Variants in NRXN2 observed in about 807,000 individuals in gnomAD.
The protein encoded by NRXN2 is neurexin-2-beta.
In NRXN2, 29 loss-of-function variants were observed where a neutral mutation model predicts 128.8. The ratio of observed to expected loss-of-function variants is 0.23; its 90% confidence interval spans 0.17 to 0.31. The LOEUF is 0.31. Ranked by LOEUF, NRXN2 falls within the 10% of genes least tolerant of loss-of-function variation. NRXN2 has a pLI of 1.00. For missense variants in NRXN2, 1,881 were observed against 2,452.6 expected (o/e 0.77, Z 4.92); for synonymous variants, 1,098 against 1,075.2 (o/e 1.02, Z -0.41).
intron 9 of NRXN2, among the ~76,000 whole-genome samples, chr11:64,661,914 AAG>A (rs1246591549): frequency 6.6e-6 from 1 of 152,144 alleles, no homozygotes; most frequent in Non-Finnish European, 1.5e-5. Context: ...AGTGAGGAGA[AAG>A]GAGGTAGGCA....
intron 2 of NRXN2, 154 bp downstream of exon 2, chr11:64,712,816 G>C (rs2135673973): frequency 3.0e-6 from 2 of 672,978 alleles, no homozygotes; most frequent in Middle Eastern, 4.0e-4. Context: ...GCCCGGACAC[G>C]CGTCCCCGCA....
Position 64,648,300 on chromosome 11 carries a change from G to C in NRXN2, c.3322C>G (p.Gln1108Glu). The C allele has an allele frequency of 6.2e-7, 1 of 1,614,224 alleles. No individual in the cohort carries two copies. The highest frequency in any genetic ancestry group is 8.5e-7 in the Non-Finnish European group (1 of 1,180,042). Reference sequence around the variant, plus strand: ...TCCCACTGCTGCAAGCAGACGCCCTGGTTGGCACAGGACTCTTCAGTGCAG... The same window carrying C: ...TCCCACTGCTGCAAGCAGACGCCCTCGTTGGCACAGGACTCTTCAGTGCAG... ...TTCTEESCAN[Q>E]GVCLQQWDGF... The change falls in exon 17 of 23, where the codon CAG (glutamine) becomes GAG (glutamate). Residue 1108 changes from glutamine (Q) to glutamate (E), a missense_variant. Physicochemically the swap from Gln to Glu is conservative, Grantham distance 29 (BLOSUM62 2). Coordinates refer to ENST00000265459, the MANE Select transcript of NRXN2 (RefSeq NM_015080.4). This position sits in a 1 kb window ranked among gnomAD's most constrained non-coding sequence, Gnocchi z 4.1.
Position 64,648,423 on chromosome 11 carries a change from A to C in NRXN2, c.3284-85T>G, listed in dbSNP as rs2047015485. Reference sequence around the variant, plus strand: ...AGGTGTGGAAGCTTCAGAGCCAGGCAGAGAGGTCCTACTCTGAGCTCTGCC... The same window carrying C: ...AGGTGTGGAAGCTTCAGAGCCAGGCCGAGAGGTCCTACTCTGAGCTCTGCC... On this transcript the variant is annotated intron_variant, in intron 16 of 22. Transcript: ENST00000265459. The surrounding 1 kb of genome is among the most constrained non-coding windows in gnomAD (Gnocchi z 4.1). 3 of 1,601,848 alleles carry C rather than the reference A, an allele frequency of 1.9e-6. No individual in the cohort carries two copies. Among genetic ancestry groups the C allele is most frequent in the Admixed American group, 3.3e-5 (2 of 59,726 alleles).
intron 15 of NRXN2, among the ~76,000 whole-genome samples, chr11:64,649,240 G>A (rs182583524): frequency 3.3e-5 from 5 of 152,160 alleles, no homozygotes; most frequent in Admixed American, 6.5e-5. Flanking sequence ...TCATAGATGC[G>A]CAGCCCAATC....
chr11:64,710,598 C>T (rs1053274133), intron 2 of NRXN2, among the ~76,000 whole-genome samples: 4 of 152,174 alleles, frequency 2.6e-5, no homozygotes, highest in Admixed American at 2.0e-4. Flanking sequence ...CTCGAGCTTT[C>T]CCTCCATCAA....
chr11:64,662,378 T>C (rs530986612), intron 9 of NRXN2, among the ~76,000 whole-genome samples: 21 of 152,344 alleles, frequency 1.4e-4, no homozygotes, highest in African/African-American at 5.1e-4. Flanking sequence ...AGGAGTTCCA[T>C]AGCCTTTACT....
At chr11:64,681,816 A>ACGGG (rs2052331921) in intron 6 of NRXN2, among the ~76,000 whole-genome samples, 2 of 73,354 alleles carry the variant, frequency 2.7e-5, no homozygotes, top group Admixed American at 2.7e-4. Context: ...AGAAAATTGG[A>ACGGG]TGAGTATGGA....
intron 2 of NRXN2, among the ~76,000 whole-genome samples, chr11:64,704,623 C>CACACACACAGAGAGAG (rs1336665936): frequency 1.2e-5 from 1 of 81,178 alleles, no homozygotes; most frequent in South Asian, 5.7e-4. Flanking sequence ...CACACACACA[C>CACACACACAGAGAGAG]AGAGAGAGAG....
chr11:64,651,191 G>A lies in NRXN2; in HGVS notation c.2918+64C>T. The A allele has an allele frequency of 6.2e-7, 1 of 1,605,594 alleles. No individual in the cohort carries two copies. The highest frequency in any genetic ancestry group is 1.1e-5 in the South Asian group (1 of 90,400). ...ACCTCGGCCAGTAGCCAGGAGAGCT[G>A]TATGTGGTTCAGCAGGGGGAGGGGG... On this transcript the variant is annotated intron_variant, in intron 14 of 22. Transcript: ENST00000265459. The surrounding 1 kb of genome is among the most constrained non-coding windows in gnomAD (Gnocchi z 5.9).
chr11:64,683,007 C>G (rs11231853), intron 6 of NRXN2, among the ~76,000 whole-genome samples: 20,944 of 152,172 alleles, frequency 0.14, 1,691 homozygotes, highest in East Asian at 0.3. Context: ...TTGGAGCTGG[C>G]CTTTGACCCA....
In NRXN2 at chr11:64,660,343, G is replaced by C. The variant is rs776324050; in HGVS notation, c.2378C>G (p.Thr793Ser). ...GGCAGGGTGGTTACCGAGGTTGACA[G>C]TGAGCTTCATCTGCCCCCCATCCAG... ...LELDGGQMKL[T>S]VNLDCLRVGC... Residue 793 changes from threonine to serine, a missense_variant, in exon 11 of 23, where the codon ACT becomes AGT. Coordinates refer to ENST00000265459, the MANE Select transcript of NRXN2 (RefSeq NM_015080.4). This position sits in a 1 kb window ranked among gnomAD's most constrained non-coding sequence, Gnocchi z 5.2. 6.2e-7 allele frequency: 1 copy of C among 1,613,658 alleles called. No homozygotes were observed. Among genetic ancestry groups the C allele is most frequent in the South Asian group, 1.1e-5 (1 of 91,054 alleles).
In NRXN2 at chr11:64,631,196, G is replaced by A. The variant is rs953091503; in HGVS notation, c.3586-623C>T. ...CTCTGCAGCCATGGGGGTGGAGGTG[G>A]GGGGTGTGGACTGTGTGTATGGTGG... On this transcript the variant is annotated intron_variant, in intron 18 of 22. Transcript: ENST00000265459. The surrounding 1 kb of genome is among the most constrained non-coding windows in gnomAD (Gnocchi z 4.8). 6.6e-6 allele frequency among the ~76,000 whole-genome samples: 1 copy of A among 152,240 alleles called. No individual in the cohort carries two copies. Among genetic ancestry groups the A allele is most frequent in the East Asian group, 1.9e-4 (1 of 5,182 alleles).
chr11:64,642,719 G>A, intron 17 of NRXN2: 1 of 1,458,166 alleles, frequency 6.9e-7, no homozygotes, highest in Admixed American at 2.3e-5. Context: ...GGTGGCGGCG[G>A]CGGCGGTGGA....
intron 11 of NRXN2, chr11:64,659,286 T>G (rs1300269588): frequency 6.6e-6 from 1 of 152,340 alleles, no homozygotes; most frequent in African/African-American, 2.4e-5. Context: ...GGGTGGGGAC[T>G]GCTTATTCAC....
At chr11:64,644,938 G>A (rs1024716499) in intron 17 of NRXN2, among the ~76,000 whole-genome samples, 1 of 152,138 alleles carries the variant, frequency 6.6e-6, no homozygotes, top group Non-Finnish European at 1.5e-5. Flanking sequence ...CAGGACCCAG[G>A]ACATCTCCCC....
intron 4 of NRXN2, among the ~76,000 whole-genome samples, chr11:64,691,862 G>A (rs2053845311): frequency 6.6e-6 from 1 of 152,072 alleles, no homozygotes; most frequent in South Asian, 2.1e-4. Context: ...CCCAATCTTG[G>A]TCCTGCCTAC....
intron 5 of NRXN2, among the ~76,000 whole-genome samples, chr11:64,689,269 C>T (rs574816895): frequency 6.6e-6 from 1 of 151,888 alleles, no homozygotes; most frequent in East Asian, 1.9e-4. Flanking sequence ...TGGAGTCTCA[C>T]CATGTTGCCA....
intron 7 of NRXN2, among the ~76,000 whole-genome samples, chr11:64,671,728 G>A (rs1344291319): frequency 6.6e-6 from 1 of 152,226 alleles, no homozygotes; most frequent in East Asian, 1.9e-4. Context: ...GGTGCAGGTA[G>A]GGAGAGCTTC....
Position 64,651,367 on chromosome 11 carries a change from C to A in NRXN2, c.2806G>T (p.Ala936Ser). The A allele has an allele frequency of 6.2e-7, 1 of 1,614,210 alleles. No homozygotes were observed. The highest frequency in any genetic ancestry group is 1.1e-5 in the South Asian group (1 of 91,086). Residue 936 changes from alanine (A) to serine (S), a missense_variant, in exon 14 of 23, where the codon GCC becomes TCC. Physicochemically the swap from Ala to Ser is moderately conservative, Grantham distance 99. Around this residue, in one of 7 missense-constraint regions of NRXN2, gnomAD observed 390 missense variants for 599.6 expected, o/e 0.65. Transcript: ENST00000265459. This position sits in a 1 kb window ranked among gnomAD's most constrained non-coding sequence, Gnocchi z 5.9. The stretch of plus-strand genomic sequence containing the variant: ...AAGAAGAGGTGCATGGAAGCATAGG[C>A]TTGGAGCGTGGCGAGTGCCAGGTAG... ...SSYLALATLQAYASMHLFFQF... is the reference protein window; with the variant it reads ...SSYLALATLQSYASMHLFFQF...
Sources: allele counts gnomAD v4.1 joint callset (sites outside exome capture counted in the v4.1 genomes callset), GRCh38; gene constraint gnomAD v4.1.1; regional missense constraint gnomAD v4.1.1; non-coding constraint Gnocchi (gnomAD v3.1); transcripts MANE v1.5; gene names NCBI Gene and HGNC (gene_info 2026-07-23, HGNC 2026-07-21).